Variants in VSIG10 observed in about 807,000 individuals in gnomAD.
VSIG10 encodes the protein V-set and immunoglobulin domain containing 10.
In VSIG10, 48 loss-of-function variants were observed where a neutral mutation model predicts 58.7. That is an observed-to-expected ratio of 0.82 (90% confidence interval 0.65 to 1.04). The LOEUF is 1.04. Among genes scored for constraint, VSIG10 ranks in the 50% least tolerant of loss-of-function variants. The pLI, the probability that VSIG10 is intolerant of heterozygous loss-of-function variation, is 0.00. For missense variants in VSIG10, 628 were observed against 670.0 expected (o/e 0.94, Z 0.69); for synonymous variants, 260 against 267.1 (o/e 0.97, Z 0.26).
chr12:118,068,194 C>CTTTT (rs71069404), intron 8 of VSIG10, among the ~76,000 whole-genome samples, 183 bp downstream of exon 8: 14 of 100,286 alleles, frequency 1.4e-4, no homozygotes, highest in South Asian at 3.6e-4. Context: ...GCTAATTTTT[C>CTTTT]TTTTTTTTTT....
chr12:118,094,227 G>A (rs1222128929), intron 2 of VSIG10, among the ~76,000 whole-genome samples: 1 of 151,498 alleles, frequency 6.6e-6, no homozygotes, highest in African/African-American at 2.4e-5. Flanking sequence ...TGAGTAGCTG[G>A]GACTACAGTC....
chr12:118,069,360 G>C (rs777298522), intron 7 of VSIG10, among the ~76,000 whole-genome samples: 15 of 150,898 alleles, frequency 9.9e-5, no homozygotes, highest in Non-Finnish European at 1.8e-4. Context: ...AGAGTGCTGA[G>C]ATTATAGGCA....
At chr12:118,093,074 G>A (rs2033344383) in intron 2 of VSIG10, among the ~76,000 whole-genome samples, 2 of 151,446 alleles carry the variant, frequency 1.3e-5, no homozygotes, top group Non-Finnish European at 2.9e-5. Flanking sequence ...CAGATCACAA[G>A]GTCAGGAGAT....
intron 4 of VSIG10, among the ~76,000 whole-genome samples, chr12:118,078,307 C>T (rs916307649): frequency 5.3e-5 from 8 of 151,944 alleles, no homozygotes; most frequent in South Asian, 4.2e-4. Flanking sequence ...TACAGGCATG[C>T]GCCACCACGC....
intron 1 of VSIG10, among the ~76,000 whole-genome samples, chr12:118,099,049 T>C (rs968131681): frequency 1.3e-5 from 2 of 151,128 alleles, no homozygotes; most frequent in African/African-American, 2.4e-5. Flanking sequence ...CCAGCATCTG[T>C]GTGTTAGCGA....
rs1320976970 is a variant in VSIG10 at position 118,068,203 on chromosome 12, T to C, written c.1567+174A>G. Among the ~76,000 whole-genome samples, 7 of 147,166 alleles carry C rather than the reference T, an allele frequency of 4.8e-5. No homozygotes were observed. The East Asian group carries it at 1.4e-3, about 29-fold the overall frequency. ...TGACCGGCTAATTTTTCTTTTTTTT[T>C]TTTTTTTTTTTCGTAGAGACAGAGT... On this transcript the variant is annotated intron_variant, in intron 8 of 8. Coordinates refer to ENST00000359236, the MANE Select transcript of VSIG10 (RefSeq NM_019086.6).
chr12:118,074,816 CT>C (rs1333803505), intron 4 of VSIG10, among the ~76,000 whole-genome samples: 4 of 152,046 alleles, frequency 2.6e-5, no homozygotes, highest in African/African-American at 9.7e-5. Flanking sequence ...TCTTGCAGTA[CT>C]TTTAAGTATA....
At chr12:118,082,044 A>T in intron 3 of VSIG10, 83 bp downstream of exon 3, 23 of 1,276,842 alleles carry the variant, frequency 1.8e-5, no homozygotes, top group Non-Finnish European at 2.4e-5. Context: ...AAAAAGACAA[A>T]TGGGAGAGGC....
intron 8 of VSIG10, 60 bp downstream of exon 8, chr12:118,068,317 G>A (rs928156546): frequency 9.6e-6 from 15 of 1,564,196 alleles, no homozygotes; most frequent in African/African-American, 1.4e-5. Flanking sequence ...TTATAGGCGT[G>A]AGCCAACGCG....
intron 4 of VSIG10, among the ~76,000 whole-genome samples, chr12:118,074,350 C>T (rs183472960): frequency 1.3e-3 from 193 of 152,332 alleles, no homozygotes; most frequent in African/African-American, 4.2e-3. Flanking sequence ...TCCCAAAGTG[C>T]TGGGATTACA....
At chr12:118,091,074 G>A (rs569332804) in intron 2 of VSIG10, among the ~76,000 whole-genome samples, 1 of 152,282 alleles carries the variant, frequency 6.6e-6, no homozygotes, top group East Asian at 1.9e-4. Flanking sequence ...AGCAGAGGTT[G>A]CAGTGAGCCA....
At chr12:118,069,707 G>T (rs143311893) in intron 7 of VSIG10, among the ~76,000 whole-genome samples, 1 of 151,758 alleles carries the variant, frequency 6.6e-6, no homozygotes, top group African/African-American at 2.4e-5. Context: ...GATTACAGGC[G>T]TGAGCCACTG....
At chr12:118,103,327 CGG>C in intron 1 of VSIG10, among the ~76,000 whole-genome samples, 2 of 54,646 alleles carry the variant, frequency 3.7e-5, no homozygotes, top group South Asian at 9.5e-4. Flanking sequence ...CCCCGCACGT[CGG>C]CTCGGCTCGG....
intron 1 of VSIG10, among the ~76,000 whole-genome samples, chr12:118,101,117 T>A (rs1342591995): frequency 6.6e-6 from 1 of 152,236 alleles, no homozygotes; most frequent in African/African-American, 2.4e-5. Flanking sequence ...CTTCTCCTGG[T>A]TTGGCTTACT....
At position 118,066,580 on chromosome 12, in the gene VSIG10, C is replaced by G. The variant is rs1394020814; in HGVS notation, c.*59G>C. The G allele has an allele frequency of 6.3e-7, 1 of 1,574,918 alleles. No homozygotes were observed. Among genetic ancestry groups the G allele is most frequent in the African/African-American group, 1.3e-5 (1 of 74,124 alleles). Reference sequence around the variant, plus strand: ...TGGAGTCAAAGCTGAATGAAGAGCTCGTCTTCAATGTAGCTCTCCAAGCTT... The same window carrying G: ...TGGAGTCAAAGCTGAATGAAGAGCTGGTCTTCAATGTAGCTCTCCAAGCTT... On this transcript the variant is annotated 3_prime_UTR_variant, in exon 9 of 9. Transcript: ENST00000359236.
intron 2 of VSIG10, among the ~76,000 whole-genome samples, chr12:118,085,383 T>C (rs980619768): frequency 3.3e-5 from 5 of 152,182 alleles, no homozygotes; most frequent in Non-Finnish European, 7.3e-5. Context: ...GCTTCCTCAT[T>C]GCTCACGTGC....
At chr12:118,092,477 G>T (rs2033326324) in intron 2 of VSIG10, among the ~76,000 whole-genome samples, 2 of 152,190 alleles carry the variant, frequency 1.3e-5, no homozygotes, top group East Asian at 3.9e-4. Flanking sequence ...AATAAATTTG[G>T]CTTTGAAGCC....
rs571289699 is a variant in VSIG10, at chr12:118,103,909, G to A, written c.-238C>T. On this transcript the variant is annotated 5_prime_UTR_variant, in exon 1 of 9. Transcript: ENST00000359236. ...CGAGCGCCCTGGCCGGGGAGGGAGG[G>A]CGCACCCCGCCCCCTGCGCCCGCCA... 1,227 of 408,360 alleles carry A rather than the reference G, an allele frequency of 3.0e-3. 13 individuals are homozygous for A. Among genetic ancestry groups the A allele is most frequent in the African/African-American group, 0.023 (1,112 of 48,262 alleles). 25.3% of individuals were successfully genotyped at this position (408,360 alleles called of 1,614,324 possible).
At chr12:118,078,271 G>A (rs1374482487) in intron 4 of VSIG10, among the ~76,000 whole-genome samples, 1 of 152,092 alleles carries the variant, frequency 6.6e-6, no homozygotes, top group Non-Finnish European at 1.5e-5. Flanking sequence ...CAGTTCTCCT[G>A]CCTCAGCCTC....
Sources: gnomAD v4.1 joint callset for allele counts (sites outside exome capture counted in the v4.1 genomes callset) on GRCh38, gnomAD v4.1.1 for gene constraint, MANE v1.5 for transcripts, NCBI Gene and HGNC (gene_info 2026-07-23, HGNC 2026-07-21) for gene names.